PALM2AKAP2: variants seen among roughly 807,000 people sequenced by gnomAD.
PALM2AKAP2 encodes the protein PALM2-AKAP2 fusion protein.
Under a neutral mutation model 71.5 loss-of-function variants are expected in PALM2AKAP2, and 37 were observed. The observed-to-expected ratio is 0.52, with a 90% CI of 0.40 to 0.68. The LOEUF (loss-of-function observed/expected upper bound fraction) is 0.68, where lower values mean the gene tolerates loss of function less well. PALM2AKAP2 is among the 30% of genes least tolerant of loss of function. PALM2AKAP2 has a pLI of 0.00. For synonymous variants in PALM2AKAP2, 468 were observed against 478.8 expected, an observed-to-expected ratio of 0.98 and a Z score of 0.29; for missense variants, 1,224 against 1,191.8, an observed-to-expected ratio of 1.03 and a Z score of -0.40.
chr9:109,924,932 T>C (rs1417854803), intron 4 of PALM2AKAP2, 129 bp from the exon 5 acceptor site: 2 of 1,337,902 alleles, frequency 1.5e-6, no homozygotes, highest in Non-Finnish European at 2.1e-6. Context: ...GATCGTTGCG[T>C]TTCCCCAGCA....
chr9:109,963,113 A>G (rs1197731007), intron 6 of PALM2AKAP2, among the ~76,000 whole-genome samples: 1 of 152,192 alleles, frequency 6.6e-6, no homozygotes, highest in African/African-American at 2.4e-5. Context: ...TTCTTGAAGA[A>G]TGAGTATGGT....
At chr9:110,156,289 A>G in intron 2 of PALM2AKAP2, 30 bp from the exon 9 acceptor site, 2 of 1,519,886 alleles carry the variant, frequency 1.3e-6, no homozygotes, top group Non-Finnish European at 1.8e-6. Context: ...AGACAAGCTT[A>G]GAAAGGGTAT....
chr9:109,943,161 G>A (rs1380873182), intron 6 of PALM2AKAP2: 2 of 1,614,234 alleles, frequency 1.2e-6, no homozygotes, highest in Admixed American at 3.3e-5. Flanking sequence ...AGGATGAAGA[G>A]GAGACGAAAA....
At chr9:109,878,873 G>C (rs1829777579) in intron 2 of PALM2AKAP2, among the ~76,000 whole-genome samples, 1 of 152,180 alleles carries the variant, frequency 6.6e-6, no homozygotes, top group Non-Finnish European at 1.5e-5. Flanking sequence ...AAGTAGCTGG[G>C]ATTACAGGCG....
At chr9:109,939,598 G>A (rs959968962) in intron 6 of PALM2AKAP2, among the ~76,000 whole-genome samples, 17 of 152,192 alleles carry the variant, frequency 1.1e-4, no homozygotes, top group Admixed American at 3.9e-4. Flanking sequence ...TCCCATGAGT[G>A]TGTTAATAGT....
intron 1 of PALM2AKAP2, among the ~76,000 whole-genome samples, chr9:109,843,306 A>G (rs1828759192): frequency 6.7e-6 from 1 of 149,114 alleles, no homozygotes; most frequent in African/African-American, 2.4e-5. Flanking sequence ...TGTCTCAAAA[A>G]AAAAAAAAAA....
At chr9:110,119,341 CAAAAAAA>C (rs200861093) in intron 1 of PALM2AKAP2, among the ~76,000 whole-genome samples, 1 of 88,926 alleles carries the variant, frequency 1.1e-5, no homozygotes, top group Non-Finnish European at 2.4e-5. Flanking sequence ...GACTCCATCT[CAAAAAAA>C]AAAAAAAAAA....
chr9:109,743,382 G>A (rs745562904), intron 1 of PALM2AKAP2, among the ~76,000 whole-genome samples: 6 of 152,154 alleles, frequency 3.9e-5, no homozygotes, highest in East Asian at 1.9e-4. Flanking sequence ...TACCCCACCC[G>A]TGCAGAGCTG....
At chr9:109,743,496 C>A (rs566261951) in intron 1 of PALM2AKAP2, among the ~76,000 whole-genome samples, 1 of 152,110 alleles carries the variant, frequency 6.6e-6, no homozygotes, top group South Asian at 2.1e-4. Context: ...TGAAGCCAAC[C>A]CCATACCATG....
At chr9:109,999,930 TC>T (rs1171821673) in intron 6 of PALM2AKAP2, among the ~76,000 whole-genome samples, 3 of 149,780 alleles carry the variant, frequency 2.0e-5, no homozygotes, top group Non-Finnish European at 4.4e-5. Context: ...TGTAGATTCT[TC>T]CTTTTCTTTC....
At chr9:109,877,378 A>G (rs1031867595) in intron 2 of PALM2AKAP2, among the ~76,000 whole-genome samples, 1 of 152,132 alleles carries the variant, frequency 6.6e-6, no homozygotes, top group African/African-American at 2.4e-5. Flanking sequence ...TCTAGGTGAC[A>G]CAGTGAATGT....
intron 3 of PALM2AKAP2, among the ~76,000 whole-genome samples, chr9:109,888,318 T>C (rs572525079): frequency 6.6e-6 from 1 of 152,278 alleles, no homozygotes; most frequent in South Asian, 2.1e-4. Flanking sequence ...TCCTCGCCTG[T>C]ACATTGGGGA....
intron 1 of PALM2AKAP2, among the ~76,000 whole-genome samples, chr9:109,726,051 C>A (rs139265785): frequency 1.0e-3 from 156 of 152,306 alleles, no homozygotes; most frequent in African/African-American, 3.6e-3. Flanking sequence ...GGACTAGTAC[C>A]TTTAACACAT....
intron 1 of PALM2AKAP2, among the ~76,000 whole-genome samples, chr9:109,723,923 T>C (rs1828439685): frequency 6.6e-6 from 1 of 152,206 alleles, no homozygotes; most frequent in African/African-American, 2.4e-5. Context: ...TGGAAATGGA[T>C]TAATAAATGT....
chr9:109,876,255 TGCACTCAGTATA>T (rs1587978453), intron 2 of PALM2AKAP2, among the ~76,000 whole-genome samples: 2 of 152,304 alleles, frequency 1.3e-5, no homozygotes, highest in East Asian at 3.9e-4. Flanking sequence ...CTTTGGATGG[TGCACTCAGTATA>T]CACCATTCCA....
intron 6 of PALM2AKAP2, among the ~76,000 whole-genome samples, chr9:110,004,481 C>G (rs958323780): frequency 7.9e-5 from 12 of 152,162 alleles, no homozygotes; most frequent in African/African-American, 2.9e-4. Context: ...TTCATTTCAA[C>G]TTTGGTGAAT....
At chr9:109,786,950 A>T (rs1826986453) in intron 1 of PALM2AKAP2, among the ~76,000 whole-genome samples, 1 of 152,070 alleles carries the variant, frequency 6.6e-6, no homozygotes, top group Non-Finnish European at 1.5e-5. Context: ...GCCCCTTTGA[A>T]CTCTCCACAT....
intron 1 of PALM2AKAP2, among the ~76,000 whole-genome samples, chr9:109,828,415 A>G (rs1828213047): frequency 6.6e-6 from 1 of 152,342 alleles, no homozygotes. Flanking sequence ...TAATCCATGC[A>G]TGAAGCTCTT....
intron 1 of PALM2AKAP2, among the ~76,000 whole-genome samples, chr9:110,105,749 A>C (rs1025203753): frequency 2.6e-5 from 4 of 152,198 alleles, no homozygotes; most frequent in African/African-American, 9.7e-5. Context: ...GTGAGTGGAC[A>C]TAAAATTTAT....
Sources: gnomAD v4.1 joint callset for allele counts (sites outside exome capture counted in the v4.1 genomes callset) on GRCh38, gnomAD v4.1.1 for gene constraint, MANE v1.5 for transcripts, NCBI Gene and HGNC (gene_info 2026-07-23, HGNC 2026-07-21) for gene names.